The following TUBGCP5 variants were observed in gnomAD, a reference collection of about 807,000 sequenced individuals.
The protein encoded by TUBGCP5 is tubulin gamma complex component 5.
A neutral mutation model predicts 134.7 loss-of-function variants in TUBGCP5; 98 were observed. The ratio of observed to expected loss-of-function variants is 0.73; its 90% CI spans 0.62 to 0.86. TUBGCP5 has a LOEUF of 0.86. TUBGCP5 is among the 40% of genes least tolerant of loss of function. The pLI, the probability that TUBGCP5 is intolerant of heterozygous loss-of-function variation, is 0.00. For synonymous variants in TUBGCP5, 456 were observed against 431.4 expected, an observed-to-expected ratio of 1.06 and a Z score of -0.71; for missense variants, 1,150 against 1,244.8, an observed-to-expected ratio of 0.92 and a Z score of 1.15.
chr15:23,002,018 ACTT>A (rs1231162537), intron 21 of TUBGCP5, among the ~76,000 whole-genome samples: 2 of 151,666 alleles, frequency 1.3e-5, no homozygotes, highest in Non-Finnish European at 2.9e-5. Flanking sequence ...TGGTTGATAG[ACTT>A]CTTAAGTTCC....
intron 5 of TUBGCP5, among the ~76,000 whole-genome samples, chr15:23,031,693 G>T (rs1017482329): frequency 6.6e-6 from 1 of 151,978 alleles, no homozygotes; most frequent in Non-Finnish European, 1.5e-5. Flanking sequence ...CAAATTCCTA[G>T]GCTCAAGCAA....
At chr15:22,995,585 A>AC (rs1011191564), downstream of TUBGCP5, among the ~76,000 whole-genome samples, 25 of 151,548 alleles carry the variant, frequency 1.6e-4, no homozygotes, top group East Asian at 1.9e-3. Context: ...AAAAAAAAAA[A>AC]AAAACAAAAC....
chr15:23,016,095 C>G (rs1040019281), intron 13 of TUBGCP5, among the ~76,000 whole-genome samples: 2 of 152,084 alleles, frequency 1.3e-5, no homozygotes, highest in Non-Finnish European at 2.9e-5. Context: ...CGGTGAGATA[C>G]AAGACAGTAC....
At chr15:23,015,791 T>C (rs1312421213) in intron 13 of TUBGCP5, among the ~76,000 whole-genome samples, 1 of 152,168 alleles carries the variant, frequency 6.6e-6, no homozygotes, top group Non-Finnish European at 1.5e-5. Flanking sequence ...GAGACTATAC[T>C]ACTGCATTTG....
Position 23,009,987 on chromosome 15 carries a change from T to C in TUBGCP5, c.2102A>G (p.Asp701Gly), listed in dbSNP as rs1219774326. The change falls in exon 15 of 23, where the codon GAT (aspartate) becomes GGT (glycine). Residue 701 changes from aspartate (D) to glycine (G), a missense_variant. Transcript: ENST00000615383. ...LYPHIDKQYL[D>G]CCGNLMQTLK... ...AGTTTGCATGAGATTTCCACAGCAA[T>C]CTAGATACTGCTTGTCAATATGAGG... is the stretch of plus-strand genomic sequence containing the variant. The C allele has an allele frequency of 3.1e-6, 5 of 1,613,982 alleles. No individual in the cohort carries two copies. In the East Asian group the frequency reaches 1.1e-4, roughly 36 times the overall value.
chr15:22,988,348 G>A (rs374269541), intron 23 of TUBGCP5, among the ~76,000 whole-genome samples: 2 of 151,882 alleles, frequency 1.3e-5, no homozygotes, highest in East Asian at 1.9e-4. Context: ...GGCAGCCCCC[G>A]AAACTGAGCA....
intron 9 of TUBGCP5, 109 bp from the exon 10 acceptor site, chr15:23,024,302 G>C: frequency 7.9e-7 from 1 of 1,270,112 alleles, no homozygotes; most frequent in Non-Finnish European, 1.1e-6. Context: ...TAAACAGTAT[G>C]TTTAGTAGAA....
chr15:23,022,035 C>G lies in TUBGCP5; in HGVS notation c.1295G>C (p.Arg432Pro). The G allele has an allele frequency of 6.2e-7, 1 of 1,614,080 alleles. No individual in the cohort carries two copies. Among genetic ancestry groups the G allele is most frequent in the Non-Finnish European group, 8.5e-7 (1 of 1,180,012 alleles). Residue 432 changes from arginine (R) to proline (P), a missense_variant, in exon 11 of 23, where the codon CGG (arginine) becomes CCG (proline). By Grantham distance (103) the Arg-to-Pro change is moderately radical. Around this residue, in one of 2 missense-constraint regions of TUBGCP5, gnomAD observed 697 missense variants for 850.1 expected, o/e 0.82. Coordinates refer to ENST00000615383, the MANE Select transcript of TUBGCP5 (RefSeq NM_052903.6). ...EVPPDTRNVVRASHLLNTLYK... is the reference protein window; with the variant it reads ...EVPPDTRNVVPASHLLNTLYK... ...CAGGGTGTTAAGCAGGTGAGAGGCC[C>G]GGACGACATTTCGAGTATCAGGTGG... is the stretch of plus-strand genomic sequence containing the variant.
At chr15:23,026,287 G>C in intron 7 of TUBGCP5, 82 bp from the exon 8 acceptor site, 1 of 1,250,624 alleles carries the variant, frequency 8.0e-7, no homozygotes, top group South Asian at 1.2e-5. Context: ...CTGCAATTTA[G>C]TGCTAACTTA....
At chr15:23,039,071 G>A (rs1034958682) in intron 1 of TUBGCP5, among the ~76,000 whole-genome samples, 1 of 151,866 alleles carries the variant, frequency 6.6e-6, no homozygotes, top group Non-Finnish European at 1.5e-5. Context: ...TTGCTACGTT[G>A]CCCAAGCTGG....
At chr15:22,988,504 C>T (rs146514982) in intron 23 of TUBGCP5, among the ~76,000 whole-genome samples, 63 of 151,572 alleles carry the variant, frequency 4.2e-4, no homozygotes, top group East Asian at 4.0e-3. Flanking sequence ...GAGGCCAAGG[C>T]GGGCGTATCA....
chr15:23,017,815 G>A lies in TUBGCP5; in HGVS notation c.1714C>T (p.Leu572=). Residue 572 remains leucine (L), a synonymous_variant, in exon 13 of 23, where the codon CTG becomes TTG. Transcript: ENST00000615383. The part of the protein sequence containing the change: ...AGKSMQLLKN[L]QCAESTTCQA... ...CAGGTGGTGCTCTCCGCACACTGCA[G>A]GTTCTTCAGCAGCTGCATCGACTTG... 6.2e-7 allele frequency: 1 copy of A among 1,613,966 alleles called. No homozygotes were observed. The highest frequency in any genetic ancestry group is 2.2e-5 in the East Asian group (1 of 44,882).
chr15:22,989,477 T>TGTTAACTTGGCACC (rs2063784725), intron 23 of TUBGCP5, among the ~76,000 whole-genome samples: 2 of 49,438 alleles, frequency 4.0e-5, no homozygotes, highest in Admixed American at 3.6e-4. Context: ...ACCCACCCCC[T>TGTTAACTTGGCACC]GTTAACTTGG....
In TUBGCP5 at chr15:22,992,401, C is replaced by T. The variant is rs770331987; in HGVS notation, c.*61+4444G>A. ...ATGGAAACTGACGAATCAGTTTACA[C>T]AATTAACTGTGTAAGAGCAAAGCCC... On this transcript the variant is annotated intron_variant and NMD_transcript_variant, in intron 23 of 23. Transcript: ENST00000614508. Among the ~76,000 whole-genome samples, 42 of 152,124 alleles carry T rather than the reference C, an allele frequency of 2.8e-4. 1 individual carries two copies. The highest frequency in any genetic ancestry group is 5.4e-4 in the Non-Finnish European group (37 of 68,022).
chr15:23,039,304 C>T, intron 1 of TUBGCP5, 94 bp downstream of exon 1: 3 of 1,216,630 alleles, frequency 2.5e-6, no homozygotes, highest in Non-Finnish European at 3.1e-6. Context: ...CGCCCCATGC[C>T]CTGCCCCAGC....
chr15:23,005,146 G>T (rs1304426967), intron 19 of TUBGCP5, among the ~76,000 whole-genome samples: 1 of 152,094 alleles, frequency 6.6e-6, no homozygotes, highest in African/African-American at 2.4e-5. Context: ...GAAACCTAAA[G>T]GACTATGCGG....
At chr15:22,985,754 G>C (rs2063657923) in intron 23 of TUBGCP5, among the ~76,000 whole-genome samples, 1 of 152,064 alleles carries the variant, frequency 6.6e-6, no homozygotes, top group South Asian at 2.1e-4. Flanking sequence ...AGAATCGCTT[G>C]AACCCAGGAG....
downstream of TUBGCP5, among the ~76,000 whole-genome samples, chr15:22,994,370 G>A (rs926280401): frequency 3.3e-5 from 5 of 152,158 alleles, no homozygotes; most frequent in East Asian, 5.8e-4. Context: ...GATTACAGGC[G>A]TGAGCCACCG....
rs192357980 is a variant in TUBGCP5 at position 23,013,164 on chromosome 15, G to A, written c.1757-1833C>T. Among the ~76,000 whole-genome samples, 857 of 152,064 alleles carry A rather than the reference G, an allele frequency of 5.6e-3. 5 individuals carry two copies. The highest frequency in any genetic ancestry group is 8.9e-3 in the Non-Finnish European group (604 of 67,958). On this transcript the variant is annotated intron_variant, in intron 13 of 22. Transcript: ENST00000615383. This position sits in a 1 kb window ranked among gnomAD's most constrained non-coding sequence, Gnocchi z 4.5. ...AGCAACGAATCAACAGTTAAGATCC[G>A]ACTGGAGGCTGGGGGTGGTGACTCA...
Sources: gnomAD v4.1 joint callset for allele counts (sites outside exome capture counted in the v4.1 genomes callset) on GRCh38, gnomAD v4.1.1 for gene constraint, gnomAD v4.1.1 regional missense constraint, Gnocchi (gnomAD v3.1) non-coding constraint, MANE v1.5 for transcripts, NCBI Gene and HGNC (gene_info 2026-07-23, HGNC 2026-07-21) for gene names.